Variants in CFAP20DC observed in about 807,000 individuals in gnomAD.
CFAP20DC encodes CFAP20 domain containing.
In CFAP20DC, 84 loss-of-function variants were observed where a neutral mutation model predicts 101.7. The observed-to-expected ratio is 0.83, with a 90% CI of 0.69 to 0.99. The LOEUF (loss-of-function observed/expected upper bound fraction) is 0.99. CFAP20DC is among the 50% of genes least tolerant of loss of function. CFAP20DC has a pLI of 0.00. For synonymous variants in CFAP20DC, 359 were observed against 351.2 expected (o/e 1.02, Z -0.25); for missense variants, 1,007 against 970.3 (o/e 1.04, Z -0.50).
intron 1 of CFAP20DC, among the ~76,000 whole-genome samples, chr3:59,048,725 T>TA (rs1292229680): frequency 6.6e-5 from 10 of 151,820 alleles, no homozygotes; most frequent in African/African-American, 1.5e-4. Flanking sequence ...GCAGAAGCAA[T>TA]AAAGAGGTGG....
rs539045305 is a variant in CFAP20DC, at chr3:58,836,751, C to A, written c.1972-4862G>T. 1.0e-3 allele frequency among the ~76,000 whole-genome samples: 158 copies of A among 152,110 alleles called. 1 individual carries two copies. Among genetic ancestry groups the A allele is most frequent in the Non-Finnish European group, 1.8e-3 (123 of 67,994 alleles). ...AATACAAGGACTATCGAACAATCTC[C>A]ACCTCTGTATTTAAAAAAAAAATTA... is the stretch of plus-strand genomic sequence containing the variant. On this transcript the variant is annotated intron_variant, in intron 13 of 16. Coordinates refer to ENST00000482387, the MANE Select transcript of CFAP20DC (RefSeq NM_001394063.1).
chr3:58,777,812 A>T (rs1316198795), intron 15 of CFAP20DC, among the ~76,000 whole-genome samples: 1 of 152,154 alleles, frequency 6.6e-6, no homozygotes, highest in African/African-American at 2.4e-5. Flanking sequence ...GCCGGCCTCA[A>T]GGCTAAGACA....
At chr3:58,740,072 G>A (rs1056913705), downstream of CFAP20DC, among the ~76,000 whole-genome samples, 6 of 152,178 alleles carry the variant, frequency 3.9e-5, no homozygotes, top group African/African-American at 1.4e-4. This position sits in a 1 kb window ranked among gnomAD's most constrained non-coding sequence, Gnocchi z 4.6. Flanking sequence ...GACATTGGGA[G>A]TTAACATTTC....
At chr3:59,011,499 G>C (rs2093583089) in intron 4 of CFAP20DC, among the ~76,000 whole-genome samples, 1 of 148,858 alleles carries the variant, frequency 6.7e-6, no homozygotes, top group Non-Finnish European at 1.5e-5. Flanking sequence ...CCCAAACTCA[G>C]CAGAAGGAAC....
rs1373990618 is a variant in CFAP20DC at position 58,894,714 on chromosome 3, T to G, written c.551-10005A>C. 6.6e-6 allele frequency among the ~76,000 whole-genome samples: 1 copy of G among 152,212 alleles called. No individual in the cohort carries two copies. The highest frequency in any genetic ancestry group is 1.9e-4 in the East Asian group (1 of 5,200). On this transcript the variant is annotated intron_variant, in intron 6 of 16. Transcript: ENST00000482387. The surrounding 1 kb of genome is among the most constrained non-coding windows in gnomAD (Gnocchi z 4.1). The stretch of plus-strand genomic sequence containing the variant: ...ACAGCTCCACTAGATGGTGCCCCAG[T>G]AGGGAGTCTGTGTGGTGGCTCCAAT...
At chr3:58,778,159 C>T (rs538501978) in intron 15 of CFAP20DC, among the ~76,000 whole-genome samples, 1 of 152,124 alleles carries the variant, frequency 6.6e-6, no homozygotes, top group Non-Finnish European at 1.5e-5. Flanking sequence ...GTAGAAGGAC[C>T]AAAGTGCAGC....
intron 16 of CFAP20DC, among the ~76,000 whole-genome samples, chr3:58,743,015 C>T (rs1434484519): frequency 6.6e-6 from 1 of 152,116 alleles, no homozygotes; most frequent in Non-Finnish European, 1.5e-5. Context: ...ATTCAATCAT[C>T]CTAAAAAGGC....
chr3:59,012,882 G>A lies in CFAP20DC; in HGVS notation c.278+26675C>T, dbSNP rs201356188. On this transcript the variant is annotated intron_variant, in intron 4 of 16. Transcript: ENST00000482387. The stretch of plus-strand genomic sequence containing the variant: ...ACCAATACTGTTCTTACATTTGTAT[G>A]TAATGTGGTTTATTAATATGGCAAG... Among the ~76,000 whole-genome samples, 3 of 152,274 alleles carry A rather than the reference G, an allele frequency of 2.0e-5. No homozygotes were observed. In the East Asian group the frequency reaches 5.8e-4, roughly 29 times the overall value.
At chr3:58,855,995 TA>T (rs200238126) in intron 12 of CFAP20DC, among the ~76,000 whole-genome samples, 8 of 135,266 alleles carry the variant, frequency 5.9e-5, no homozygotes, top group African/African-American at 8.3e-5. Flanking sequence ...TAAAAAAAAA[TA>T]AAAAAAAGAA....
intron 6 of CFAP20DC, among the ~76,000 whole-genome samples, chr3:58,909,333 T>A (rs1197521935): frequency 2.0e-5 from 3 of 151,490 alleles, no homozygotes; most frequent in Non-Finnish European, 4.4e-5. Context: ...AAAGTCTACT[T>A]AAAAAAAAAG....
At chr3:59,045,912 A>G (rs1293820434) in intron 3 of CFAP20DC, among the ~76,000 whole-genome samples, 1 of 152,146 alleles carries the variant, frequency 6.6e-6, no homozygotes, top group Non-Finnish European at 1.5e-5. Flanking sequence ...TAAATATTAA[A>G]TGTTTACAAA....
In CFAP20DC at chr3:58,788,351, C is replaced by A. The variant is rs190251829; in HGVS notation, c.2237+18044G>T. Among the ~76,000 whole-genome samples, 1 of 152,024 alleles carries A rather than the reference C, an allele frequency of 6.6e-6. No homozygotes were observed. The highest frequency in any genetic ancestry group is 2.4e-5 in the African/African-American group (1 of 41,396). Reference sequence around the variant, plus strand: ...AAATTCACATTTAAACCACGGTTACCGGGGAAATCCTATTGGTGAGAATCC... The same window carrying A: ...AAATTCACATTTAAACCACGGTTACAGGGGAAATCCTATTGGTGAGAATCC... On this transcript the variant is annotated intron_variant, in intron 15 of 16. Coordinates refer to ENST00000482387, the MANE Select transcript of CFAP20DC (RefSeq NM_001394063.1). This position sits in a 1 kb window ranked among gnomAD's most constrained non-coding sequence, Gnocchi z 4.2.
Position 58,722,605 on chromosome 3 carries a change from A to C in CFAP20DC, c.198-4977T>G, listed in dbSNP as rs965026170. On this transcript the variant is annotated intron_variant, in intron 3 of 3. Transcript: ENST00000486145. The surrounding 1 kb of genome is among the most constrained non-coding windows in gnomAD (Gnocchi z 4.5). Reference sequence around the variant, plus strand: ...AGCTCTCCCCTTCGACGCAGGGTCAAGGCAAGACAGGGAATAAACAGGTCA... The same window carrying C: ...AGCTCTCCCCTTCGACGCAGGGTCACGGCAAGACAGGGAATAAACAGGTCA... Among the ~76,000 whole-genome samples the C allele has an allele frequency of 3.3e-5, 5 of 152,196 alleles. No homozygotes were observed. The highest frequency in any genetic ancestry group is 6.5e-5 in the Admixed American group (1 of 15,282).
At chr3:58,980,536 C>CA (rs1248682201) in intron 4 of CFAP20DC, among the ~76,000 whole-genome samples, 6 of 152,172 alleles carry the variant, frequency 3.9e-5, no homozygotes, top group African/African-American at 1.4e-4. Flanking sequence ...CCCTGGGATG[C>CA]AAGGCTGGTT....
At chr3:59,013,223 G>C (rs2093624969) in intron 4 of CFAP20DC, among the ~76,000 whole-genome samples, 1 of 152,104 alleles carries the variant, frequency 6.6e-6, no homozygotes, top group South Asian at 2.1e-4. Flanking sequence ...TATTTAGCTG[G>C]GCTCTTTGCT....
chr3:58,730,866 A>C (rs566077231), intron 3 of CFAP20DC, among the ~76,000 whole-genome samples: 8 of 152,184 alleles, frequency 5.3e-5, no homozygotes, highest in Non-Finnish European at 7.3e-5. Flanking sequence ...GGTGAATGAC[A>C]ACCATTTTCT....
chr3:58,776,042 T>G (rs1180886348), intron 15 of CFAP20DC, among the ~76,000 whole-genome samples: 1 of 152,078 alleles, frequency 6.6e-6, no homozygotes, highest in Non-Finnish European at 1.5e-5. Flanking sequence ...GTGCCCAGCC[T>G]TCCTCTCCCT....
chr3:58,974,399 G>T lies in CFAP20DC; in HGVS notation c.279-36637C>A, dbSNP rs566620986. ...TGGTGTTAATTCACTTAGGAAAATG[G>T]ACCCCAGCTGCATCCATGTTGCTGC... On this transcript the variant is annotated intron_variant, in intron 4 of 16. Transcript: ENST00000482387. Among the ~76,000 whole-genome samples the T allele has an allele frequency of 2.6e-5, 4 of 152,204 alleles. No homozygotes were observed. The South Asian group carries it at 8.3e-4, about 32-fold the overall frequency.
At chr3:58,744,600 G>A (rs1575532167) in intron 16 of CFAP20DC, among the ~76,000 whole-genome samples, 2 of 152,100 alleles carry the variant, frequency 1.3e-5, no homozygotes, top group Non-Finnish European at 2.9e-5. Context: ...AAGTCCAAAG[G>A]AAATGGGCTT....
Sources: gnomAD v4.1 joint callset for allele counts (sites outside exome capture counted in the v4.1 genomes callset) on GRCh38, gnomAD v4.1.1 for gene constraint, Gnocchi (gnomAD v3.1) non-coding constraint, MANE v1.5 for transcripts, NCBI Gene and HGNC (gene_info 2026-07-23, HGNC 2026-07-21) for gene names.